The following KDSR variants were observed in gnomAD, a reference collection of about 807,000 sequenced individuals.
KDSR encodes 3-ketodihydrosphingosine reductase, also known as 3-dehydrosphinganine reductase.
KDSR carries 23 observed loss-of-function variants against 41.3 expected under a neutral mutation model. The ratio of observed to expected loss-of-function variants is 0.56; its 90% CI spans 0.40 to 0.79. The LOEUF (loss-of-function observed/expected upper bound fraction) is 0.79, where lower values mean the gene tolerates loss of function less well. Among genes scored for constraint, KDSR ranks in the 30% least tolerant of loss-of-function variants. The pLI is 0.00. For synonymous variants in KDSR, 138 were observed against 151.7 expected (o/e 0.91, Z 0.66); for missense variants, 351 against 416.8 (o/e 0.84, Z 1.37).
At chr18:63,335,379 G>A (rs1418582163) in intron 8 of KDSR, 21 bp from the exon 9 acceptor site, 3 of 1,512,262 alleles carry the variant, frequency 2.0e-6, no homozygotes, top group Non-Finnish European at 2.8e-6. Flanking sequence ...AGAAAAAGAA[G>A]AGAAAGAGGG....
intron 8 of KDSR, chr18:63,335,713 G>T: frequency 6.0e-6 from 1 of 165,950 alleles, no homozygotes; most frequent in Admixed American, 6.2e-5. Context: ...AGGAGTCATT[G>T]TCACCTCTAC....
intron 6 of KDSR, among the ~76,000 whole-genome samples, chr18:63,350,539 A>C (rs1489920023): frequency 1.3e-5 from 2 of 152,262 alleles, no homozygotes; most frequent in Admixed American, 6.5e-5. Context: ...CATAAGGACA[A>C]ACTTCTTGTT....
intron 6 of KDSR, among the ~76,000 whole-genome samples, chr18:63,348,082 A>G (rs2850759): frequency 0.61 from 91,988 of 151,906 alleles, 29,984 homozygotes; most frequent in Non-Finnish European, 0.72. Context: ...AGTCCAGGAG[A>G]TCAAGACCAG....
intron 1 of KDSR, among the ~76,000 whole-genome samples, chr18:63,364,255 A>G (rs1408033188): frequency 1.3e-5 from 2 of 151,854 alleles, no homozygotes; most frequent in Non-Finnish European, 2.9e-5. Context: ...TATGACATGC[A>G]CATAATAAAC....
intron 8 of KDSR, among the ~76,000 whole-genome samples, chr18:63,337,920 C>G (rs1914227396): frequency 6.6e-6 from 1 of 152,146 alleles, no homozygotes; most frequent in Non-Finnish European, 1.5e-5. Context: ...AAGAGCAAAA[C>G]TCCGTCTCAA....
chr18:63,352,598 G>A (rs1914687701), intron 5 of KDSR, among the ~76,000 whole-genome samples: 1 of 152,190 alleles, frequency 6.6e-6, no homozygotes, highest in African/African-American at 2.4e-5. Context: ...TTACAGGTGT[G>A]AGCCACTGTA....
intron 8 of KDSR, chr18:63,335,781 C>A (rs1476421099): frequency 1.3e-5 from 2 of 153,084 alleles, no homozygotes; most frequent in Non-Finnish European, 2.9e-5. Context: ...TTCTAAAATT[C>A]TTTTAAAAAT....
At chr18:63,354,257 G>A (rs145174879) in intron 5 of KDSR, among the ~76,000 whole-genome samples, 214 of 152,350 alleles carry the variant, frequency 1.4e-3, no homozygotes, top group African/African-American at 4.7e-3. Context: ...AGAGGTTGCA[G>A]TGAGCCGAGA....
rs1913956169 is a variant in KDSR, at chr18:63,330,800, TTTTTTTTCC to T, written c.*973_*981del. On this transcript the variant is annotated 3_prime_UTR_variant, in exon 10 of 10. Transcript: ENST00000645214. ...GTCAAGTCGAAAATTTTAGCTGGTC[TTTTTTTTCC>T]TTTTTTTTTTTTTTTACAAAAATAT... 4.4e-6 allele frequency: 1 copy of T among 227,186 alleles called. No homozygotes were observed. The highest frequency in any genetic ancestry group is 2.2e-5 in the African/African-American group (1 of 44,636). 14.1% of individuals were successfully genotyped at this position (227,186 alleles called of 1,614,324 possible). A position where few individuals can be genotyped will look rare whatever the true frequency, so the allele number is the denominator to read the frequency against.
intron 1 of KDSR, among the ~76,000 whole-genome samples, chr18:63,364,918 A>G (rs915093714): frequency 6.6e-6 from 1 of 152,218 alleles, no homozygotes; most frequent in Non-Finnish European, 1.5e-5. Context: ...AGACATTTAG[A>G]TTTTTCCTAA....
chr18:63,364,258 TAATA>T (rs145013610), intron 1 of KDSR, among the ~76,000 whole-genome samples: 1,854 of 152,238 alleles, frequency 0.012, 35 homozygotes, highest in African/African-American at 0.043. Flanking sequence ...GACATGCACA[TAATA>T]AACAGCTCTA....
At chr18:63,347,245 T>C (rs1914532817) in intron 6 of KDSR, among the ~76,000 whole-genome samples, 2 of 152,036 alleles carry the variant, frequency 1.3e-5, no homozygotes, top group African/African-American at 4.8e-5. Context: ...GGCTCACATA[T>C]GTAATCCCAG....
chr18:63,330,120 A>AT lies in KDSR; in HGVS notation c.*1661dup, dbSNP rs561479821. Reference sequence around the variant, plus strand: ...ATGGGTTAAAGCCATAAAACATCTTATTTTTTAAAAAGTTAAGTCATTTAA... The same window carrying AT: ...ATGGGTTAAAGCCATAAAACATCTTATTTTTTTAAAAAGTTAAGTCATTTAA... On this transcript the variant is annotated 3_prime_UTR_variant, in exon 10 of 10. Transcript: ENST00000645214. 6.3e-4 allele frequency: 120 copies of AT among 190,240 alleles called. 1 individual carries two copies. Among genetic ancestry groups the AT allele is most frequent in the African/African-American group, 2.6e-3 (110 of 43,002 alleles). The allele number at this position is 190,240 out of a possible 1,614,324, so 11.8% of individuals were successfully genotyped here. A position where few individuals can be genotyped will look rare whatever the true frequency, so the allele number is the denominator to read the frequency against.
chr18:63,364,668 T>C (rs1350898775), intron 1 of KDSR, among the ~76,000 whole-genome samples: 1 of 152,178 alleles, frequency 6.6e-6, no homozygotes, highest in African/African-American at 2.4e-5. Context: ...GGTCTCGAAC[T>C]CCTGACCTCA....
rs1256929991 is a variant in KDSR at position 63,367,068 on chromosome 18, G to C, written c.51C>G (p.Tyr17Ter). 3 of 1,336,928 alleles carry C rather than the reference G, an allele frequency of 2.2e-6. No homozygotes were observed. Among genetic ancestry groups the C allele is most frequent in the Non-Finnish European group, 2.9e-6 (3 of 1,038,546 alleles). The allele number at this position is 1,336,928 out of a possible 1,614,324, so 82.8% of individuals were successfully genotyped here. Residue 17 changes from tyrosine to a stop codon, truncating the protein, a stop_gained, in exon 1 of 10, where the codon TAC becomes TAG. Coordinates refer to ENST00000645214, the MANE Select transcript of KDSR (RefSeq NM_002035.4). LOFTEE classifies it high-confidence loss of function. ...TGGGGCTGATGAGCGGAGACACCAT[G>C]TACAGCAGCAGCACGAAGGCCACGA... ...AFLVAFVLLL[Y>*]MVSPLISPKP...
Position 63,355,622 on chromosome 18 carries a change from A to T in KDSR, c.256-59T>A, listed in dbSNP as rs996166567. On this transcript the variant is annotated intron_variant, in intron 3 of 9. Transcript: ENST00000645214. ...GCAGGTACCAAACTATTTCTTAAAG[A>T]TATTTTTTAAAGAAAAGACAGTTCA... 8.8e-6 allele frequency: 13 copies of T among 1,480,762 alleles called. No individual in the cohort carries two copies. The African/African-American group carries it at 1.4e-4, about 16-fold the overall frequency. 91.7% of individuals were successfully genotyped at this position (1,480,762 alleles called of 1,614,324 possible).
At chr18:63,344,178 A>T in intron 7 of KDSR, among the ~76,000 whole-genome samples, 1 of 152,146 alleles carries the variant, frequency 6.6e-6, no homozygotes, top group East Asian at 1.9e-4. Context: ...CCCTGTCTCT[A>T]TAGAGAAAAA....
At chr18:63,355,664 G>C in intron 3 of KDSR, 101 bp from the exon 4 acceptor site, 27 of 1,371,262 alleles carry the variant, frequency 2.0e-5, no homozygotes, top group Admixed American at 3.4e-5. Flanking sequence ...ACAGAAGGAA[G>C]CCAATATTGA....
chr18:63,335,775 A>G (rs976996316), intron 8 of KDSR: 3 of 153,226 alleles, frequency 2.0e-5, no homozygotes, highest in Non-Finnish European at 4.4e-5. Context: ...TACAAGTTCT[A>G]AAATTCTTTT....
Sources: gnomAD v4.1 joint callset for allele counts (sites outside exome capture counted in the v4.1 genomes callset) on GRCh38, gnomAD v4.1.1 for gene constraint, MANE v1.5 for transcripts, NCBI Gene and HGNC (gene_info 2026-07-23, HGNC 2026-07-21) for gene names.